The following SYT9 variants were observed in gnomAD, a reference collection of about 807,000 sequenced individuals.
SYT9 encodes the protein synaptotagmin-9.
In SYT9, 22 loss-of-function variants were observed where a neutral mutation model predicts 48.4. The observed-to-expected ratio is 0.45, with a 90% CI of 0.32 to 0.65. The LOEUF (loss-of-function observed/expected upper bound fraction) is 0.65, where lower values mean the gene tolerates loss of function less well. Ranked by LOEUF, SYT9 falls within the 30% of genes least tolerant of loss-of-function variation. The pLI is 0.03. For synonymous variants in SYT9, 265 were observed against 245.0 expected (o/e 1.08, Z -0.76); for missense variants, 577 against 622.0 (o/e 0.93, Z 0.77).
At chr11:7,288,846 T>C (rs140778170) in intron 1 of SYT9, among the ~76,000 whole-genome samples, 164 of 152,354 alleles carry the variant, frequency 1.1e-3, no homozygotes, top group African/African-American at 3.6e-3. Flanking sequence ...CTGCTCTCTC[T>C]ATGGCTGCTC....
intron 3 of SYT9, among the ~76,000 whole-genome samples, chr11:7,358,111 G>A (rs1283262506): frequency 1.3e-5 from 2 of 151,964 alleles, no homozygotes; most frequent in African/African-American, 2.4e-5. Context: ...AAGAGGTGAT[G>A]AGTACTGCGA....
At chr11:7,268,846 C>A (rs1478447772) in intron 1 of SYT9, among the ~76,000 whole-genome samples, 9 of 151,986 alleles carry the variant, frequency 5.9e-5, no homozygotes, top group Non-Finnish European at 1.3e-4. Context: ...GTTTTAGAAC[C>A]TTTTCAACAT....
chr11:7,272,248 T>C (rs148773596), intron 1 of SYT9, among the ~76,000 whole-genome samples: 2 of 152,268 alleles, frequency 1.3e-5, no homozygotes, highest in African/African-American at 4.8e-5. Context: ...TAGAGATCAA[T>C]TAGTGTTAGT....
intron 1 of SYT9, among the ~76,000 whole-genome samples, chr11:7,301,588 C>T (rs913273719): frequency 2.6e-5 from 4 of 152,188 alleles, no homozygotes; most frequent in Non-Finnish European, 5.9e-5. Context: ...CTAATTTTCT[C>T]CTTCGTTAGA....
chr11:7,296,958 G>T (rs1288422784), intron 1 of SYT9, among the ~76,000 whole-genome samples: 2 of 152,092 alleles, frequency 1.3e-5, no homozygotes, highest in African/African-American at 4.8e-5. Flanking sequence ...TCCATGGGCT[G>T]ATTTTCTAAC....
chr11:7,292,120 C>T (rs1011843008), intron 1 of SYT9, among the ~76,000 whole-genome samples: 1 of 152,102 alleles, frequency 6.6e-6, no homozygotes, highest in Non-Finnish European at 1.5e-5. Flanking sequence ...AAGAAACTTT[C>T]CCACATTATA....
At chr11:7,361,087 T>A (rs67933017) in intron 3 of SYT9, among the ~76,000 whole-genome samples, 15,285 of 152,154 alleles carry the variant, frequency 0.1, 902 homozygotes, top group Middle Eastern at 0.16. Flanking sequence ...TTCTTGATTC[T>A]TTTTATCAAG....
intron 3 of SYT9, among the ~76,000 whole-genome samples, chr11:7,369,674 A>T (rs1222670208): frequency 6.6e-6 from 1 of 151,248 alleles, no homozygotes; most frequent in Non-Finnish European, 1.5e-5. Context: ...GAAGTGATCC[A>T]GTTTCTGTTT....
intron 6 of SYT9, among the ~76,000 whole-genome samples, chr11:7,422,740 T>G (rs1427546800): frequency 6.6e-6 from 1 of 151,960 alleles, no homozygotes; most frequent in Non-Finnish European, 1.5e-5. Flanking sequence ...GCACAAGCAG[T>G]TTTTTTTCAG....
At position 7,416,054 on chromosome 11, in the gene SYT9, C is replaced by G. The variant is rs117876446; in HGVS notation, c.1057C>G (p.Leu353Val). Reference protein sequence around the residue: ...IEYVTNDNVDLGELMFSLCYL... With the variant: ...IEYVTNDNVDVGELMFSLCYL... ...GCTTTCTCAACAGGACAACGTGGAT[C>G]TGGGAGAGCTGATGTTTTCCCTGTG... The change falls in exon 4 of 7, where the codon CTG becomes GTG. Residue 353 changes from leucine to valine, a missense_variant. Transcript: ENST00000318881. The G allele has an allele frequency of 8.5e-3, 13,674 of 1,614,118 alleles. 82 individuals are homozygous for G. The highest frequency in any genetic ancestry group is 0.01 in the Non-Finnish European group (12,306 of 1,180,010).
At chr11:7,359,085 G>C (rs547003582) in intron 3 of SYT9, among the ~76,000 whole-genome samples, 1 of 149,086 alleles carries the variant, frequency 6.7e-6, no homozygotes, top group Non-Finnish European at 1.5e-5. Context: ...CCACCTATGA[G>C]TGAGAATATG....
intron 3 of SYT9, among the ~76,000 whole-genome samples, chr11:7,320,590 G>A (rs1446947446): frequency 6.6e-6 from 1 of 152,162 alleles, no homozygotes; most frequent in African/African-American, 2.4e-5. Context: ...CCTTATGAGG[G>A]ACTAATTTGT....
At chr11:7,284,929 C>A (rs1458687428) in intron 1 of SYT9, among the ~76,000 whole-genome samples, 1 of 152,112 alleles carries the variant, frequency 6.6e-6, no homozygotes. Context: ...TGCTCCCTCC[C>A]CTACTTCTCC....
At chr11:7,245,799 T>C (rs191629268) in intron 1 of SYT9, among the ~76,000 whole-genome samples, 372 of 152,308 alleles carry the variant, frequency 2.4e-3, no homozygotes, top group Non-Finnish European at 4.2e-3. Context: ...GGCCTAATCA[T>C]CTCATCAACA....
At chr11:7,264,719 G>A (rs1848144542) in intron 1 of SYT9, among the ~76,000 whole-genome samples, 1 of 152,066 alleles carries the variant, frequency 6.6e-6, no homozygotes, top group Non-Finnish European at 1.5e-5. Context: ...GAGGCATGAT[G>A]GGGAGAGGGG....
At chr11:7,389,051 G>A (rs544013192) in intron 3 of SYT9, among the ~76,000 whole-genome samples, 1 of 152,286 alleles carries the variant, frequency 6.6e-6, no homozygotes, top group African/African-American at 2.4e-5. Context: ...ACTAGGCTTG[G>A]TGTGCTTGAA....
chr11:7,405,110 A>T lies in SYT9; in HGVS notation c.1045-10932A>T, dbSNP rs202002087. On this transcript the variant is annotated intron_variant, in intron 3 of 6. Coordinates refer to ENST00000318881, the MANE Select transcript of SYT9 (RefSeq NM_175733.4). ...TCAAGGTTAAAAAAAAAAAAAAAAA[A>T]GCCAAATACTCTGCCACCCTTTATA... Among the ~76,000 whole-genome samples, 50 of 148,040 alleles carry T rather than the reference A, an allele frequency of 3.4e-4. No individual in the cohort carries two copies. The East Asian group carries it at 8.9e-3, about 26-fold the overall frequency.
Position 7,466,883 on chromosome 11 carries a change from C to A in SYT9, c.*83C>A. The A allele has an allele frequency of 6.5e-7, 1 of 1,529,122 alleles. No individual in the cohort carries two copies. The highest frequency in any genetic ancestry group is 1.2e-5 in the South Asian group (1 of 85,452). 94.7% of individuals were successfully genotyped at this position (1,529,122 alleles called of 1,614,324 possible). ...ATCTTAAGTAACTTTTTCCATCCAG[C>A]AACATCCAGACGATTTCAGTGACCA... On this transcript the variant is annotated 3_prime_UTR_variant, in exon 7 of 7. Coordinates refer to ENST00000318881, the MANE Select transcript of SYT9 (RefSeq NM_175733.4).
intron 3 of SYT9, among the ~76,000 whole-genome samples, chr11:7,394,836 A>T (rs1846716195): frequency 6.6e-6 from 1 of 152,070 alleles, no homozygotes; most frequent in East Asian, 1.9e-4. Context: ...CTTTACTCTT[A>T]ACACTGCTTT....
Sources: allele counts gnomAD v4.1 joint callset (sites outside exome capture counted in the v4.1 genomes callset), GRCh38; gene constraint gnomAD v4.1.1; transcripts MANE v1.5; gene names NCBI Gene and HGNC (gene_info 2026-07-23, HGNC 2026-07-21).